The following CLVS2 variants were observed in gnomAD, a reference collection of about 807,000 sequenced individuals.
CLVS2 encodes the protein clavesin-2.
A neutral mutation model predicts 29.0 loss-of-function variants in CLVS2; 19 were observed. The observed-to-expected ratio is 0.66, with a 90% confidence interval of 0.46 to 0.96. The LOEUF (loss-of-function observed/expected upper bound fraction) is 0.96. Ranked by LOEUF, CLVS2 falls within the 40% of genes least tolerant of loss-of-function variation. The pLI is 0.00. For synonymous variants in CLVS2, 161 were observed against 151.3 expected (o/e 1.06, Z -0.47); for missense variants, 294 against 404.1 (o/e 0.73, Z 2.34).
intron 3 of CLVS2, among the ~76,000 whole-genome samples, chr6:123,044,064 C>T (rs150265216): frequency 0.011 from 1,702 of 152,272 alleles, 14 homozygotes; most frequent in Admixed American, 0.017. Context: ...TTGCATTAGG[C>T]ACAAAGTGCT....
At chr6:123,047,774 T>C (rs1772539972) in intron 3 of CLVS2, among the ~76,000 whole-genome samples, 1 of 152,112 alleles carries the variant, frequency 6.6e-6, no homozygotes, top group African/African-American at 2.4e-5. Context: ...AGAAGACCTT[T>C]GTAGTGAGTT....
At chr6:123,030,336 G>T (rs532202411) in intron 3 of CLVS2, among the ~76,000 whole-genome samples, 6 of 152,150 alleles carry the variant, frequency 3.9e-5, no homozygotes, top group African/African-American at 4.8e-5. Context: ...TTAATCTTCA[G>T]TGGAGTCCCA....
chr6:122,999,544 A>C (rs1041311918), intron 2 of CLVS2, among the ~76,000 whole-genome samples: 1 of 152,168 alleles, frequency 6.6e-6, no homozygotes, highest in Non-Finnish European at 1.5e-5. Context: ...GGTAGCTGAA[A>C]ATTTTAAAGA....
chr6:123,050,968 C>T (rs1772602007), intron 4 of CLVS2, among the ~76,000 whole-genome samples: 1 of 152,038 alleles, frequency 6.6e-6, no homozygotes, highest in Non-Finnish European at 1.5e-5. Flanking sequence ...GGTATCTAAA[C>T]TTTACCATTT....
At position 123,055,801 on chromosome 6, in the gene CLVS2, T is replaced by C; in HGVS notation, c.676-5T>C. The C allele has an allele frequency of 1.3e-6, 2 of 1,597,828 alleles. No individual in the cohort carries two copies. The highest frequency in any genetic ancestry group is 3.3e-4 in the Middle Eastern group (2 of 6,018). ...TCCCTTCCTCCCGTCTTCTTGCATT[T>C]ATAGATATTTTTGCATGGTAACAAC... is the stretch of plus-strand genomic sequence containing the variant. On this transcript the variant is annotated splice_polypyrimidine_tract_variant and splice_region_variant and intron_variant, in intron 4 of 5. Coordinates refer to ENST00000275162, the MANE Select transcript of CLVS2 (RefSeq NM_001010852.4).
intron 5 of CLVS2, among the ~76,000 whole-genome samples, chr6:123,061,302 A>G (rs1029764552): frequency 6.6e-6 from 1 of 150,640 alleles, no homozygotes; most frequent in Non-Finnish European, 1.5e-5. Flanking sequence ...GCCTCAAACA[A>G]AACAAAACCG....
intron 3 of CLVS2, among the ~76,000 whole-genome samples, chr6:123,032,262 G>A (rs563140334): frequency 3.9e-5 from 6 of 152,098 alleles, no homozygotes; most frequent in South Asian, 2.1e-4. Flanking sequence ...ATATGATGAT[G>A]TTTTTCCTCC....
intron 3 of CLVS2, among the ~76,000 whole-genome samples, chr6:123,030,723 G>T (rs949464332): frequency 6.6e-6 from 1 of 151,546 alleles, no homozygotes; most frequent in East Asian, 1.9e-4. Flanking sequence ...TAATATAGGA[G>T]TAGCTCAGCC....
intron 3 of CLVS2, among the ~76,000 whole-genome samples, chr6:123,028,487 TTG>T (rs1266980889): frequency 6.6e-6 from 1 of 152,164 alleles, no homozygotes; most frequent in Non-Finnish European, 1.5e-5. Flanking sequence ...TAGTGAGAAC[TTG>T]TCTCTAAAAA....
In CLVS2 at chr6:123,072,171, A is replaced by G. The variant is rs1772960297; in HGVS notation, c.*8410A>G. The G allele has an allele frequency of 6.6e-6, 1 of 152,086 alleles. No homozygotes were observed. Among genetic ancestry groups the G allele is most frequent in the Non-Finnish European group, 1.5e-5 (1 of 67,976 alleles). The allele number at this position is 152,086 out of a possible 1,614,324, so 9.4% of individuals were successfully genotyped here. A position where few individuals can be genotyped will look rare whatever the true frequency, so the allele number is the denominator to read the frequency against. On this transcript the variant is annotated 3_prime_UTR_variant, in exon 6 of 6. Transcript: ENST00000275162. ...GCTACATTGTTGTGCCTTTCCCAACACTGTAATAATTTAAGCCTCCTGTTT... is the reference window on the plus strand; with the variant it reads ...GCTACATTGTTGTGCCTTTCCCAACGCTGTAATAATTTAAGCCTCCTGTTT...
rs1772826922 is a variant in CLVS2 at position 123,064,648 on chromosome 6, A to C, written c.*887A>C. 1 of 151,516 alleles carries C rather than the reference A, an allele frequency of 6.6e-6. No homozygotes were observed. Among genetic ancestry groups the C allele is most frequent in the African/African-American group, 2.4e-5 (1 of 41,164 alleles). 9.4% of individuals were successfully genotyped at this position (151,516 alleles called of 1,614,324 possible). A position where few individuals can be genotyped will look rare whatever the true frequency, so the allele number is the denominator to read the frequency against. ...CTTACAGATGAGGGGCTAATTTCTA[A>C]TTGTTGTGCACTGGTTAAAAAGTAT... On this transcript the variant is annotated 3_prime_UTR_variant, in exon 6 of 6. Coordinates refer to ENST00000275162, the MANE Select transcript of CLVS2 (RefSeq NM_001010852.4).
Position 123,072,473 on chromosome 6 carries a change from G to C in CLVS2, c.*8712G>C, listed in dbSNP as rs1042289807. The C allele has an allele frequency of 6.6e-6, 1 of 152,082 alleles. No homozygotes were observed. The highest frequency in any genetic ancestry group is 2.4e-5 in the African/African-American group (1 of 41,446). 9.4% of individuals were successfully genotyped at this position (152,082 alleles called of 1,614,324 possible). ...TTCGGAAAACATTCTCTAGAGAAGA[G>C]ACTAATGATTCTTGCTCACAAACAA... On this transcript the variant is annotated 3_prime_UTR_variant, in exon 6 of 6. Coordinates refer to ENST00000275162, the MANE Select transcript of CLVS2 (RefSeq NM_001010852.4).
rs146779328 is a variant in CLVS2 at position 123,013,767 on chromosome 6, G to C, written c.564+2608G>C. ...GTTGGTGTGCTGCACCCATTAACTC[G>C]TCATTTAGCATTAGGTATATCTCCT... On this transcript the variant is annotated intron_variant, in intron 3 of 5. Coordinates refer to ENST00000275162, the MANE Select transcript of CLVS2 (RefSeq NM_001010852.4). Among the ~76,000 whole-genome samples the C allele has an allele frequency of 5.0e-3, 756 of 151,668 alleles. 48 individuals are homozygous for C. The East Asian group carries it at 0.13, about 27-fold the overall frequency.
In CLVS2 at chr6:123,071,337, T is replaced by G. The variant is rs1772945149; in HGVS notation, c.*7576T>G. On this transcript the variant is annotated 3_prime_UTR_variant, in exon 6 of 6. Coordinates refer to ENST00000275162, the MANE Select transcript of CLVS2 (RefSeq NM_001010852.4). ...TTACCCTCTCATGATAATAGAATCA[T>G]GAATCAAAAATGATATCCTCTTCTC... is the stretch of plus-strand genomic sequence containing the variant. The G allele has an allele frequency of 6.6e-6, 1 of 152,044 alleles. No homozygotes were observed. 9.4% of individuals were successfully genotyped at this position (152,044 alleles called of 1,614,324 possible).
At chr6:123,039,377 C>T (rs1027158277) in intron 3 of CLVS2, among the ~76,000 whole-genome samples, 5 of 152,200 alleles carry the variant, frequency 3.3e-5, no homozygotes, top group African/African-American at 1.2e-4. Context: ...TACACTCACT[C>T]CTTTGATTAA....
rs72974252 is a variant in CLVS2, at chr6:123,026,986, G to A, written c.564+15827G>A. On this transcript the variant is annotated intron_variant, in intron 3 of 5. Coordinates refer to ENST00000275162, the MANE Select transcript of CLVS2 (RefSeq NM_001010852.4). ...AAAATAAGTTTTACAGGATTTTCTT[G>A]GGGTATGTGGAGAGATGTACGTAGG... 2.6e-3 allele frequency among the ~76,000 whole-genome samples: 402 copies of A among 152,172 alleles called. 1 individual carries two copies. Among genetic ancestry groups the A allele is most frequent in the Non-Finnish European group, 3.1e-3 (213 of 68,014 alleles).
chr6:123,055,752 G>A, intron 4 of CLVS2, 54 bp from the exon 5 acceptor site: 4 of 1,242,820 alleles, frequency 3.2e-6, no homozygotes, highest in Non-Finnish European at 3.6e-6. Context: ...GGATTTAGAT[G>A]GTATTTAGTT....
intron 3 of CLVS2, among the ~76,000 whole-genome samples, chr6:123,027,961 T>C (rs559591334): frequency 2.0e-5 from 3 of 152,216 alleles, no homozygotes; most frequent in Non-Finnish European, 4.4e-5. Flanking sequence ...TAGCACAATA[T>C]CTTACATGAA....
intron 5 of CLVS2, among the ~76,000 whole-genome samples, chr6:123,057,809 A>G (rs1582665808): frequency 6.6e-6 from 1 of 152,192 alleles, no homozygotes; most frequent in East Asian, 1.9e-4. Context: ...ATTTAAACCA[A>G]CTTTAGGCTT....
Sources: allele counts gnomAD v4.1 joint callset (sites outside exome capture counted in the v4.1 genomes callset), GRCh38; gene constraint gnomAD v4.1.1; transcripts MANE v1.5; gene names NCBI Gene and HGNC (gene_info 2026-07-23, HGNC 2026-07-21).